The following SGPP2 variants were observed in gnomAD, a reference collection of about 807,000 sequenced individuals.
The protein encoded by SGPP2 is sphingosine-1-phosphate phosphatase 2, also known as sphingosine 1-phosphate phosphohydrolase 2.
A neutral mutation model predicts 33.9 loss-of-function variants in SGPP2; 30 were observed. That is an observed-to-expected ratio of 0.89 (90% confidence interval 0.66 to 1.20). SGPP2 has a LOEUF of 1.20. Ranked by LOEUF, SGPP2 falls within the 50% of genes most tolerant of loss-of-function variation. The probability of loss-of-function intolerance (pLI) is 0.00; values close to 1 mark genes in which losing one functional copy is unlikely to be tolerated. For synonymous variants in SGPP2, 233 were observed against 225.0 expected (o/e 1.04, Z -0.32); for missense variants, 458 against 532.1 (o/e 0.86, Z 1.37).
intron 1 of SGPP2, among the ~76,000 whole-genome samples, chr2:222,466,912 A>G (rs1697755186): frequency 6.6e-6 from 1 of 152,088 alleles, no homozygotes; most frequent in African/African-American, 2.4e-5. Flanking sequence ...TCTAGGGTTG[A>G]GGTGCTTGTC....
rs147879228 is a variant in SGPP2 at position 222,445,766 on chromosome 2, C to T, written c.219+20945C>T. ...TTTATTCTGTGCCTGCTCTGTAGAC[C>T]CCGAAGGCTTAGATGTCCTCTCCTC... On this transcript the variant is annotated intron_variant, in intron 1 of 4. Coordinates refer to ENST00000321276, the MANE Select transcript of SGPP2 (RefSeq NM_152386.4). Among the ~76,000 whole-genome samples, 257 of 152,242 alleles carry T rather than the reference C, an allele frequency of 1.7e-3. 2 individuals carry two copies. The Middle Eastern group carries it at 0.017, about 10-fold the overall frequency.
chr2:222,503,510 G>A (rs547152354), intron 2 of SGPP2, among the ~76,000 whole-genome samples: 1 of 152,256 alleles, frequency 6.6e-6, no homozygotes, highest in African/African-American at 2.4e-5. Flanking sequence ...AAGATCTCAA[G>A]TCCCTGGTAA....
chr2:222,485,684 A>G (rs929858589), intron 2 of SGPP2, among the ~76,000 whole-genome samples: 1 of 152,004 alleles, frequency 6.6e-6, no homozygotes, highest in Non-Finnish European at 1.5e-5. Flanking sequence ...CCCTACACGA[A>G]TTTCCCAGGC....
chr2:222,553,532 TCTGATCAGAATCATAGGGCAGTA>T (rs1296127055), intron 4 of SGPP2, among the ~76,000 whole-genome samples: 9 of 152,212 alleles, frequency 5.9e-5, no homozygotes, highest in African/African-American at 1.9e-4. Context: ...GGGCCACGCT[TCTGATCAGAATCATAGGGCAGTA>T]CCCTGAATCT....
intron 4 of SGPP2, among the ~76,000 whole-genome samples, chr2:222,534,860 A>G (rs73067746): frequency 0.042 from 6,447 of 152,316 alleles, 453 homozygotes; most frequent in African/African-American, 0.15. Flanking sequence ...ATGAATACTC[A>G]TGGTAAAACA....
At chr2:222,501,930 C>G (rs977104008) in intron 2 of SGPP2, among the ~76,000 whole-genome samples, 1 of 151,072 alleles carries the variant, frequency 6.6e-6, no homozygotes, top group Admixed American at 6.6e-5. Flanking sequence ...TTATGATTAT[C>G]ATTTTTAAGA....
chr2:222,478,295 GTA>G (rs1553536867), intron 2 of SGPP2, among the ~76,000 whole-genome samples: 2 of 138,486 alleles, frequency 1.4e-5, no homozygotes, highest in African/African-American at 2.6e-5. Context: ...GTGTGTGTGT[GTA>G]TACGTACGCG....
intron 2 of SGPP2, among the ~76,000 whole-genome samples, chr2:222,506,373 A>C (rs932253106): frequency 6.6e-6 from 1 of 152,246 alleles, no homozygotes. Context: ...CTATGCAATT[A>C]CAAGAAAAGC....
chr2:222,541,295 T>A (rs12478691), intron 4 of SGPP2, among the ~76,000 whole-genome samples: 43,050 of 150,018 alleles, frequency 0.29, 6,990 homozygotes, highest in Non-Finnish European at 0.36. Flanking sequence ...TTGGGGCTGT[T>A]TGAGGCACCA....
chr2:222,514,622 T>G (rs1698577186), intron 2 of SGPP2, among the ~76,000 whole-genome samples: 1 of 56,360 alleles, frequency 1.8e-5, no homozygotes, highest in African/African-American at 3.0e-5. Context: ...AGTGTTTACT[T>G]GTAAAAGAGA....
chr2:222,507,567 G>T (rs1241478127), intron 2 of SGPP2, among the ~76,000 whole-genome samples: 1 of 152,118 alleles, frequency 6.6e-6, no homozygotes, highest in East Asian at 1.9e-4. Flanking sequence ...TGTGAGGGAG[G>T]AATCTAGTAG....
intron 2 of SGPP2, among the ~76,000 whole-genome samples, chr2:222,497,924 G>A (rs962173135): frequency 3.3e-5 from 5 of 152,146 alleles, no homozygotes; most frequent in African/African-American, 1.2e-4. Context: ...GCCTCATGAG[G>A]CCCCTGGGGG....
At chr2:222,544,853 T>C (rs1689155607) in intron 4 of SGPP2, among the ~76,000 whole-genome samples, 1 of 152,170 alleles carries the variant, frequency 6.6e-6, no homozygotes, top group Non-Finnish European at 1.5e-5. Flanking sequence ...TACAAAATTG[T>C]GAGCGTGTAT....
chr2:222,509,392 T>A (rs1264037027), intron 2 of SGPP2, among the ~76,000 whole-genome samples: 2 of 152,154 alleles, frequency 1.3e-5, no homozygotes, highest in South Asian at 2.1e-4. Context: ...TTATGACATA[T>A]AATGATATAC....
At chr2:222,468,492 C>T (rs1238833059) in intron 1 of SGPP2, among the ~76,000 whole-genome samples, 2 of 152,186 alleles carry the variant, frequency 1.3e-5, no homozygotes, top group African/African-American at 4.8e-5. Context: ...AAATTGACTT[C>T]CCCAAGGTCA....
At chr2:222,447,659 A>T (rs531744085) in intron 1 of SGPP2, among the ~76,000 whole-genome samples, 1 of 152,310 alleles carries the variant, frequency 6.6e-6, no homozygotes, top group African/African-American at 2.4e-5. Flanking sequence ...GAGAAGTGAG[A>T]AGAACTATGC....
intron 2 of SGPP2, 131 bp from the exon 3 acceptor site, chr2:222,521,636 A>G (rs1048488388): frequency 1.6e-5 from 15 of 934,440 alleles, no homozygotes; most frequent in Admixed American, 3.2e-5. Context: ...GACTTTGCCA[A>G]CAAGTAGCTG....
chr2:222,431,163 TC>T (rs1697147867), intron 1 of SGPP2, among the ~76,000 whole-genome samples: 1 of 145,838 alleles, frequency 6.9e-6, no homozygotes, highest in African/African-American at 2.6e-5. Context: ...ATCTTTTCAA[TC>T]TTTTTATAAA....
At chr2:222,455,007 G>A (rs541262791) in intron 1 of SGPP2, among the ~76,000 whole-genome samples, 1 of 152,248 alleles carries the variant, frequency 6.6e-6, no homozygotes, top group Admixed American at 6.5e-5. Flanking sequence ...CAGGAACAAG[G>A]TGCCCAGCGT....
Sources: allele counts gnomAD v4.1 joint callset (sites outside exome capture counted in the v4.1 genomes callset), GRCh38; gene constraint gnomAD v4.1.1; transcripts MANE v1.5; gene names NCBI Gene and HGNC (gene_info 2026-07-23, HGNC 2026-07-21).